NELL1: variants seen among roughly 807,000 people sequenced by gnomAD.
NELL1 encodes the protein protein kinase C-binding protein NELL1.
A neutral mutation model predicts 107.4 loss-of-function variants in NELL1; 76 were observed. The observed-to-expected ratio is 0.71, with a 90% CI of 0.59 to 0.86. NELL1 has a LOEUF of 0.86. Among genes scored for constraint, NELL1 ranks in the 40% least tolerant of loss-of-function variants. The pLI is 0.00. For missense variants in NELL1, 1,024 were observed against 1,005.5 expected, an observed-to-expected ratio of 1.02 and a Z score of -0.25; for synonymous variants, 353 against 341.2, an observed-to-expected ratio of 1.03 and a Z score of -0.38.
At chr11:21,424,174 A>C (rs1241843791) in intron 15 of NELL1, among the ~76,000 whole-genome samples, 2 of 152,232 alleles carry the variant, frequency 1.3e-5, no homozygotes, top group African/African-American at 4.8e-5. Flanking sequence ...CAATGAAATC[A>C]AAAGTTGATT....
intron 12 of NELL1, among the ~76,000 whole-genome samples, chr11:21,068,043 A>T (rs1469388646): frequency 2.7e-5 from 4 of 149,462 alleles, no homozygotes; most frequent in African/African-American, 9.9e-5. Flanking sequence ...AAAAAAAAAA[A>T]AAAAAAAAAA....
chr11:21,110,385 C>T (rs1855078675), intron 12 of NELL1, among the ~76,000 whole-genome samples: 1 of 152,202 alleles, frequency 6.6e-6, no homozygotes, highest in African/African-American at 2.4e-5. Flanking sequence ...GGTTTTCTAA[C>T]CATCCCTTGT....
At position 21,244,226 on chromosome 11, in the gene NELL1, T is replaced by A. The variant is rs548261828; in HGVS notation, c.1549+14772T>A. ...TATAGCATTTACTTTCGTTGCATTT[T>A]AAGATCAATTTCATATTAAAAACAG... On this transcript the variant is annotated intron_variant, in intron 14 of 19. Coordinates refer to ENST00000357134, the MANE Select transcript of NELL1 (RefSeq NM_006157.5). Among the ~76,000 whole-genome samples the A allele has an allele frequency of 3.3e-5, 5 of 152,296 alleles. No homozygotes were observed. The South Asian group carries it at 8.3e-4, about 25-fold the overall frequency.
intron 2 of NELL1, among the ~76,000 whole-genome samples, chr11:20,753,901 G>C (rs541799804): frequency 5.8e-4 from 89 of 152,246 alleles, no homozygotes; most frequent in African/African-American, 1.9e-3. Context: ...TGTTTGCTTT[G>C]TTTTGTTTTG....
chr11:20,858,756 A>G (rs868413770), intron 4 of NELL1, among the ~76,000 whole-genome samples: 2 of 152,160 alleles, frequency 1.3e-5, no homozygotes, highest in Non-Finnish European at 2.9e-5. Context: ...TATAACTTAC[A>G]TGGTACTCCT....
chr11:20,791,018 A>G (rs1857063527), intron 3 of NELL1, among the ~76,000 whole-genome samples: 1 of 152,186 alleles, frequency 6.6e-6, no homozygotes, highest in Admixed American at 6.5e-5. Context: ...TGAATCTTCC[A>G]AGTTTGTTCT....
chr11:21,563,360 G>A (rs946993241), intron 17 of NELL1, among the ~76,000 whole-genome samples: 1 of 152,132 alleles, frequency 6.6e-6, no homozygotes, highest in East Asian at 1.9e-4. Context: ...TGCAGATCAT[G>A]GAGATGAAGA....
chr11:21,280,313 C>T (rs914173531), intron 14 of NELL1, among the ~76,000 whole-genome samples: 2 of 152,178 alleles, frequency 1.3e-5, no homozygotes, highest in African/African-American at 4.8e-5. Flanking sequence ...GTTCCACCTA[C>T]ATGGTCAACA....
chr11:21,484,110 T>C (rs1249447339), intron 15 of NELL1, among the ~76,000 whole-genome samples: 1 of 147,584 alleles, frequency 6.8e-6, no homozygotes, highest in Non-Finnish European at 1.5e-5. Flanking sequence ...GTAGCGGAAC[T>C]TAAGGATAAT....
At chr11:21,214,794 C>A (rs997763087) in intron 13 of NELL1, among the ~76,000 whole-genome samples, 4 of 6,020 alleles carry the variant, frequency 6.6e-4, no homozygotes, top group African/African-American at 3.3e-3. Context: ...AGTATTAGGG[C>A]GGGTGGGTGG....
intron 3 of NELL1, among the ~76,000 whole-genome samples, chr11:20,841,497 G>A (rs1244616258): frequency 6.6e-6 from 1 of 152,116 alleles, no homozygotes; most frequent in Non-Finnish European, 1.5e-5. Flanking sequence ...AAGGAGTCAG[G>A]AGCCTGAATG....
intron 13 of NELL1, among the ~76,000 whole-genome samples, chr11:21,115,331 AACACACAC>A (rs66507806): frequency 0.16 from 22,549 of 140,604 alleles, 1,870 homozygotes; most frequent in East Asian, 0.26. Flanking sequence ...GTCTACATCA[AACACACAC>A]ACACACACAC....
intron 15 of NELL1, among the ~76,000 whole-genome samples, chr11:21,373,626 A>C (rs1411567962): frequency 1.3e-5 from 2 of 152,120 alleles, no homozygotes; most frequent in South Asian, 4.1e-4. Context: ...TTTGTTAAAG[A>C]AAATTCCTGT....
At chr11:21,351,333 A>G (rs1259357850) in intron 14 of NELL1, among the ~76,000 whole-genome samples, 1 of 152,102 alleles carries the variant, frequency 6.6e-6, no homozygotes, top group Non-Finnish European at 1.5e-5. Flanking sequence ...TGGGAAGCTA[A>G]TACAGGTCTT....
intron 5 of NELL1, among the ~76,000 whole-genome samples, chr11:20,889,614 A>C (rs1391693232): frequency 6.6e-6 from 1 of 152,238 alleles, no homozygotes; most frequent in Non-Finnish European, 1.5e-5. Context: ...AATAATGCTT[A>C]ATTTTAGAAA....
chr11:21,470,306 A>G (rs1038645085), intron 15 of NELL1, among the ~76,000 whole-genome samples: 2 of 152,094 alleles, frequency 1.3e-5, no homozygotes, highest in Non-Finnish European at 2.9e-5. Flanking sequence ...TCGAGAGAGC[A>G]AAGTCTGATA....
At chr11:21,073,831 C>T (rs1234134387) in intron 12 of NELL1, among the ~76,000 whole-genome samples, 1 of 152,100 alleles carries the variant, frequency 6.6e-6, no homozygotes, top group South Asian at 2.1e-4. Context: ...AATTCGAGTG[C>T]TATAAATAGA....
At chr11:20,923,135 G>A (rs981309883) in intron 7 of NELL1, among the ~76,000 whole-genome samples, 4 of 152,146 alleles carry the variant, frequency 2.6e-5, no homozygotes, top group Non-Finnish European at 4.4e-5. Context: ...CTCTTGGGTC[G>A]AGGTGGAAAC....
chr11:21,353,738 C>G (rs992802501), intron 14 of NELL1, among the ~76,000 whole-genome samples: 2 of 152,138 alleles, frequency 1.3e-5, no homozygotes, highest in Non-Finnish European at 2.9e-5. Context: ...AATTCTACAG[C>G]AAGCAGAGCT....
Sources: allele counts gnomAD v4.1 joint callset (sites outside exome capture counted in the v4.1 genomes callset), GRCh38; gene constraint gnomAD v4.1.1; transcripts MANE v1.5; gene names NCBI Gene and HGNC (gene_info 2026-07-23, HGNC 2026-07-21).